DOCK5: variants seen among roughly 807,000 people sequenced by gnomAD.
DOCK5 encodes the protein dedicator of cytokinesis protein 5.
DOCK5 carries 142 observed loss-of-function variants against 251.8 expected under a neutral mutation model. That is an observed-to-expected ratio of 0.56 (90% confidence interval 0.49 to 0.65). The LOEUF (loss-of-function observed/expected upper bound fraction) is 0.65, where lower values mean the gene tolerates loss of function less well. Among genes scored for constraint, DOCK5 ranks in the 30% least tolerant of loss-of-function variants. The pLI is 0.00. For missense variants in DOCK5, 2,111 were observed against 2,312.3 expected (o/e 0.91, Z 1.79); for synonymous variants, 842 against 835.5 (o/e 1.01, Z -0.13).
At chr8:25,256,638 C>CAAAAA (rs891243325) in intron 2 of DOCK5, among the ~76,000 whole-genome samples, 7 of 48,878 alleles carry the variant, frequency 1.4e-4, no homozygotes, top group Non-Finnish European at 3.1e-4. Flanking sequence ...ATCTCCATCT[C>CAAAAA]AAAAAAAAAA....
chr8:25,252,828 T>G (rs1432116676), intron 2 of DOCK5, among the ~76,000 whole-genome samples: 2 of 152,210 alleles, frequency 1.3e-5, no homozygotes, highest in Admixed American at 1.3e-4. Context: ...AATTCTAAAA[T>G]TCCATCTTTA....
At position 25,304,270 on chromosome 8, in the gene DOCK5, A is replaced by T. The variant is rs778742595; in HGVS notation, c.992A>T (p.Asp331Val). Residue 331 changes from aspartate (D) to valine (V), a missense_variant, in exon 11 of 52, where the codon GAT (aspartate) becomes GTT (valine). This residue lies in a region of DOCK5 where 1,717 missense variants were observed against 1,892.4 expected (regional missense o/e 0.91). Transcript: ENST00000276440. The stretch of plus-strand genomic sequence containing the variant: ...TTTTTCCTAGTGATGGATATTACTG[A>T]TATCATACATGGGAAGGTGGATGAT... ...PFGVAVMDIT[D>V]IIHGKVDDEE... 12 of 1,609,158 alleles carry T rather than the reference A, an allele frequency of 7.5e-6. No homozygotes were observed. The Admixed American group carries it at 2.0e-4, about 27-fold the overall frequency.
intron 19 of DOCK5, 85 bp from the exon 20 acceptor site, chr8:25,332,518 G>T (rs1805706489): frequency 2.3e-6 from 3 of 1,282,382 alleles, no homozygotes; most frequent in Admixed American, 2.6e-5. Flanking sequence ...AAACCTCTTT[G>T]ATTTAAACTA....
chr8:25,356,538 G>A (rs2117259118), intron 27 of DOCK5, among the ~76,000 whole-genome samples: 1 of 152,044 alleles, frequency 6.6e-6, no homozygotes, highest in South Asian at 2.1e-4. Flanking sequence ...ATGGTGACAT[G>A]CGCCTGTAAT....
rs1317363979 is a variant in DOCK5, at chr8:25,410,038, T to G, written c.5405-61T>G. On this transcript the variant is annotated intron_variant, in intron 50 of 51. Coordinates refer to ENST00000276440, the MANE Select transcript of DOCK5 (RefSeq NM_024940.8). ...CTTAGGTGTTACAGTGCCAGCAACA[T>G]TTCCATGAGCTTCCTTGCTCAGTGC... The G allele has an allele frequency of 1.1e-5, 16 of 1,431,956 alleles. No homozygotes were observed. In the East Asian group the frequency reaches 3.4e-4, roughly 31 times the overall value. 88.7% of individuals were successfully genotyped at this position (1,431,956 alleles called of 1,614,324 possible).
intron 40 of DOCK5, among the ~76,000 whole-genome samples, chr8:25,384,447 A>ATTTTTTTTTT: frequency 4.0e-5 from 1 of 25,282 alleles, no homozygotes; most frequent in Non-Finnish European, 1.2e-4. Flanking sequence ...TTATTTATTT[A>ATTTTTTTTTT]TTTATTTATT....
chr8:25,384,475 T>TTTTTTTTTG (rs1801129250), intron 40 of DOCK5, among the ~76,000 whole-genome samples: 1 of 66,524 alleles, frequency 1.5e-5, no homozygotes, highest in Non-Finnish European at 3.3e-5. Flanking sequence ...TTTTTTTTTT[T>TTTTTTTTTG]TTGAGACAGT....
At chr8:25,311,138 G>T (rs1262341815) in intron 13 of DOCK5, among the ~76,000 whole-genome samples, 1 of 152,202 alleles carries the variant, frequency 6.6e-6, no homozygotes, top group African/African-American at 2.4e-5. Flanking sequence ...TCTGGAATTT[G>T]CTGACTTCGC....
rs1802817173 is a variant in DOCK5 at position 25,236,944 on chromosome 8, T to C, written c.44-6730T>C. ...ATGAATGATATATGTCTCCAATGGG[T>C]ATCTCATTCTGTGTTTGCTGGATCT... is the stretch of plus-strand genomic sequence containing the variant. On this transcript the variant is annotated intron_variant, in intron 1 of 51. Coordinates refer to ENST00000276440, the MANE Select transcript of DOCK5 (RefSeq NM_024940.8). Among the ~76,000 whole-genome samples the C allele has an allele frequency of 2.0e-5, 3 of 152,160 alleles. No individual in the cohort carries two copies. In the South Asian group the frequency reaches 6.2e-4, roughly 32 times the overall value.
chr8:25,352,518 G>T (rs973181757), intron 27 of DOCK5, among the ~76,000 whole-genome samples: 2 of 152,126 alleles, frequency 1.3e-5, no homozygotes, highest in Non-Finnish European at 2.9e-5. Flanking sequence ...AGGCTAAGTG[G>T]TGTCATCATT....
chr8:25,299,830 A>G (rs1458827665), intron 8 of DOCK5, among the ~76,000 whole-genome samples: 4 of 152,202 alleles, frequency 2.6e-5, no homozygotes, highest in Non-Finnish European at 5.9e-5. Context: ...AGATAGTTAA[A>G]AGTAATTGCT....
chr8:25,279,469 GT>G (rs1236961381), intron 5 of DOCK5, among the ~76,000 whole-genome samples: 151 of 142,234 alleles, frequency 1.1e-3, no homozygotes, highest in Admixed American at 1.6e-3. Flanking sequence ...TTTCCTTAAT[GT>G]TTTTTTTTTT....
chr8:25,206,542 A>G (rs1802005865), intron 1 of DOCK5, among the ~76,000 whole-genome samples: 1 of 152,188 alleles, frequency 6.6e-6, no homozygotes, highest in Non-Finnish European at 1.5e-5. Context: ...GTATTCTGTG[A>G]AAAACCTGGG....
Position 25,363,093 on chromosome 8 carries a change from A to T in DOCK5, c.2996A>T (p.Lys999Met). 1.2e-6 allele frequency: 2 copies of T among 1,614,074 alleles called. No individual in the cohort carries two copies. The highest frequency in any genetic ancestry group is 2.2e-5 in the South Asian group (2 of 91,090). ...ATCATGTTCAAGGACCTGATTGGAA[A>T]GAATGTCTATGCCAAAGATTGGATG... ...TFIMFKDLIG[K>M]NVYAKDWMVM... Residue 999 changes from lysine (K) to methionine (M), a missense_variant, in exon 29 of 52, where the codon AAG becomes ATG. By Grantham distance (95) the Lys-to-Met change is moderately conservative (BLOSUM62 -1). This residue lies in a region of DOCK5 where 1,717 missense variants were observed against 1,892.4 expected (regional missense o/e 0.91). Transcript: ENST00000276440.
chr8:25,260,102 G>A (rs1008706156), intron 2 of DOCK5, among the ~76,000 whole-genome samples: 1 of 152,168 alleles, frequency 6.6e-6, no homozygotes, highest in Non-Finnish European at 1.5e-5. Context: ...GTCCTGTGAC[G>A]AGTTTGCACC....
At chr8:25,235,861 G>A (rs112582385) in intron 1 of DOCK5, among the ~76,000 whole-genome samples, 53 of 139,556 alleles carry the variant, frequency 3.8e-4, no homozygotes, top group African/African-American at 1.0e-3. Flanking sequence ...GCAGTGGCAC[G>A]ATCTCAGCTC....
At chr8:25,337,391 G>A (rs1371017368) in intron 22 of DOCK5, among the ~76,000 whole-genome samples, 3 of 151,194 alleles carry the variant, frequency 2.0e-5, no homozygotes, top group Non-Finnish European at 4.4e-5. Flanking sequence ...TAGATAGTCT[G>A]AATAAAAACA....
intron 40 of DOCK5, among the ~76,000 whole-genome samples, chr8:25,386,709 T>C (rs1801170454): frequency 6.6e-6 from 1 of 152,200 alleles, no homozygotes. Flanking sequence ...CCATAGCCGT[T>C]ACATATGCCT....
Position 25,411,255 on chromosome 8 carries a change from C to T in DOCK5, c.5570C>T (p.Ala1857Val), listed in dbSNP as rs1173088937. Residue 1857 changes from alanine (A) to valine (V), a missense_variant, in exon 52 of 52, where the codon GCT becomes GTT. This residue lies in a region of DOCK5 where 1,717 missense variants were observed against 1,892.4 expected (regional missense o/e 0.91). Coordinates refer to ENST00000276440, the MANE Select transcript of DOCK5 (RefSeq NM_024940.8). Reference protein sequence around the residue: ...AKAPPPPPPKARKSGIPTSEP... With the variant: ...AKAPPPPPPKVRKSGIPTSEP... ...GCACCACCCCCTCCACCTCCAAAGG[C>T]TCGGAAGTCTGGCATCCCTACTTCC... 6.3e-7 allele frequency: 1 copy of T among 1,585,476 alleles called. No homozygotes were observed. Among genetic ancestry groups the T allele is most frequent in the African/African-American group, 1.4e-5 (1 of 73,100 alleles).
Sources: allele counts gnomAD v4.1 joint callset (sites outside exome capture counted in the v4.1 genomes callset), GRCh38; gene constraint gnomAD v4.1.1; regional missense constraint gnomAD v4.1.1; transcripts MANE v1.5; gene names NCBI Gene and HGNC (gene_info 2026-07-23, HGNC 2026-07-21).